SLC3A1: variants seen among roughly 807,000 people sequenced by gnomAD.
SLC3A1 encodes solute carrier family 3 member 1, also known as amino acid transporter heavy chain SLC3A1.
Under a neutral mutation model 60.3 loss-of-function variants are expected in SLC3A1, and 78 were observed. That is an observed-to-expected ratio of 1.29 (90% CI 1.08 to 1.56). SLC3A1 has a LOEUF of 1.56. SLC3A1 is among the 40% of genes most tolerant of loss of function. The probability of loss-of-function intolerance (pLI) is 0.00; values close to 1 mark genes in which losing one functional copy is unlikely to be tolerated. For synonymous variants in SLC3A1, 392 were observed against 307.9 expected (o/e 1.27, Z -2.86); for missense variants, 1,172 against 858.9 (o/e 1.36, Z -4.56).
In SLC3A1 at chr2:44,275,744, A is replaced by G; in HGVS notation, c.209A>G (p.Lys70Arg). Reference protein sequence around the residue: ...KGVQPYAGMPKEVLFQFSGQA... With the variant: ...KGVQPYAGMPREVLFQFSGQA... ...GTCCAGCCCTATGCGGGGATGCCCA[A>G]GGAGGTGCTGTTCCAGTTCTCTGGC... The change falls in exon 1 of 10, where the codon AAG becomes AGG. Residue 70 changes from lysine (K) to arginine (R), a missense_variant. Transcript: ENST00000260649. 1.9e-6 allele frequency: 3 copies of G among 1,614,228 alleles called. No individual in the cohort carries two copies. The highest frequency in any genetic ancestry group is 1.3e-5 in the African/African-American group (1 of 75,080).
At chr2:44,281,253 G>A in intron 2 of SLC3A1, 134 bp from the exon 3 acceptor site, 3 of 767,154 alleles carry the variant, frequency 3.9e-6, no homozygotes, top group Non-Finnish European at 4.5e-6. Flanking sequence ...CCACCTCCTG[G>A]GCTCAAGCAA....
chr2:44,291,497 G>A (rs1373221257), intron 4 of SLC3A1, among the ~76,000 whole-genome samples: 1 of 152,092 alleles, frequency 6.6e-6, no homozygotes, highest in Non-Finnish European at 1.5e-5. Flanking sequence ...TAATGCCTCC[G>A]GTTGAGAGAT....
chr2:44,300,778 T>A (rs1284715196), intron 5 of SLC3A1, among the ~76,000 whole-genome samples: 1 of 152,206 alleles, frequency 6.6e-6, no homozygotes, highest in Non-Finnish European at 1.5e-5. Flanking sequence ...AAAATTTATT[T>A]GCTAAAATGG....
intron 4 of SLC3A1, among the ~76,000 whole-genome samples, chr2:44,295,919 C>T (rs536659991): frequency 1.1e-4 from 17 of 152,104 alleles, no homozygotes; most frequent in Non-Finnish European, 1.9e-4. Context: ...CCAGGTTGCG[C>T]GGGGTCTGAA....
intron 2 of SLC3A1, 41 bp from the exon 3 acceptor site, chr2:44,281,346 A>C: frequency 6.4e-7 from 1 of 1,557,116 alleles, no homozygotes; most frequent in South Asian, 1.1e-5. Context: ...TTATTCTAAT[A>C]CAATCTTTCC....
chr2:44,287,302 T>C lies in SLC3A1; in HGVS notation c.891+1145T>C, dbSNP rs556823704. 2.0e-5 allele frequency among the ~76,000 whole-genome samples: 3 copies of C among 152,236 alleles called. No individual in the cohort carries two copies. In the South Asian group the frequency reaches 6.2e-4, roughly 32 times the overall value. On this transcript the variant is annotated intron_variant, in intron 4 of 9. Coordinates refer to ENST00000260649, the MANE Select transcript of SLC3A1 (RefSeq NM_000341.4). ...GAGACACCTTCTTATGATGAGATGCTGTTTGGACAAAAACCTGAAGTGAGA... is the reference window on the plus strand; with the variant it reads ...GAGACACCTTCTTATGATGAGATGCCGTTTGGACAAAAACCTGAAGTGAGA...
chr2:44,313,510 G>T (rs935706430), intron 8 of SLC3A1, among the ~76,000 whole-genome samples: 3 of 152,190 alleles, frequency 2.0e-5, no homozygotes, highest in African/African-American at 7.2e-5. Context: ...CTGTACCATA[G>T]TAGAAGTCGT....
intron 5 of SLC3A1, among the ~76,000 whole-genome samples, chr2:44,300,688 C>G (rs1403825417): frequency 2.6e-5 from 4 of 151,264 alleles, no homozygotes; most frequent in Non-Finnish European, 5.9e-5. Context: ...CCACTAAGAT[C>G]TTTTTTTTTG....
chr2:44,299,418 G>A (rs1422633259), intron 4 of SLC3A1, among the ~76,000 whole-genome samples: 1 of 152,144 alleles, frequency 6.6e-6, no homozygotes, highest in Non-Finnish European at 1.5e-5. Flanking sequence ...ACTATTCTTA[G>A]TTATTTACTT....
rs1183378318 is a variant in SLC3A1 at position 44,321,490 on chromosome 2, TA to T, written c.*855del. 2 of 1,590,160 alleles carry T rather than the reference TA, an allele frequency of 1.3e-6. No homozygotes were observed. The highest frequency in any genetic ancestry group is 2.7e-5 in the African/African-American group (2 of 74,236). Reference sequence around the variant, plus strand: ...AAAATTAAATAGAAGGCCTTTGTAGTAAAATGCCACTGTTTAAGCTTCTCTT... The same window carrying T: ...AAAATTAAATAGAAGGCCTTTGTAGTAAATGCCACTGTTTAAGCTTCTCTT... On this transcript the variant is annotated 3_prime_UTR_variant, in exon 10 of 10. Transcript: ENST00000260649.
In SLC3A1 at chr2:44,312,599, A is replaced by T. The variant is rs926076422; in HGVS notation, c.1346A>T (p.Asp449Val). Reference protein sequence around the residue: ...KWPNWMIGGPDSSRLTSRLGN... With the variant: ...KWPNWMIGGPVSSRLTSRLGN... ...TCTGCCTTTCAGATTGGTGGACCAG[A>T]CAGTTCACGGCTGACTTCGCGTTTG... Residue 449 changes from aspartate to valine, a missense_variant, in exon 8 of 10, where the codon GAC (aspartate) becomes GTC (valine). Physicochemically the swap from Asp to Val is radical, Grantham distance 152 (BLOSUM62 -3). Coordinates refer to ENST00000260649, the MANE Select transcript of SLC3A1 (RefSeq NM_000341.4). 6.2e-7 allele frequency: 1 copy of T among 1,613,944 alleles called. No homozygotes were observed. Among genetic ancestry groups the T allele is most frequent in the Non-Finnish European group, 8.5e-7 (1 of 1,179,838 alleles).
chr2:44,312,539 A>G, intron 7 of SLC3A1, 47 bp from the exon 8 acceptor site: 1 of 1,598,292 alleles, frequency 6.3e-7, no homozygotes, highest in Non-Finnish European at 8.6e-7. Flanking sequence ...TAAATCTTTC[A>G]GAAAACTGTG....
Position 44,321,226 on chromosome 2 carries a change from G to T in SLC3A1, c.*587G>T. 1 of 805,856 alleles carries T rather than the reference G, an allele frequency of 1.2e-6. No individual in the cohort carries two copies. Among genetic ancestry groups the T allele is most frequent in the Non-Finnish European group, 2.0e-6 (1 of 511,758 alleles). 49.9% of individuals were successfully genotyped at this position (805,856 alleles called of 1,614,324 possible). A position where few individuals can be genotyped will look rare whatever the true frequency, so the allele number is the denominator to read the frequency against. ...GATGTAGACTAAGCAAAATTTAGAT[G>T]GAGAAGCACATTTTAAAAAATTAAT... On this transcript the variant is annotated 3_prime_UTR_variant, in exon 10 of 10. Coordinates refer to ENST00000260649, the MANE Select transcript of SLC3A1 (RefSeq NM_000341.4).
In SLC3A1 at chr2:44,320,771, G is replaced by C. The variant is rs550953255; in HGVS notation, c.*132G>C. 1.3e-6 allele frequency: 1 copy of C among 747,700 alleles called. No homozygotes were observed. Among genetic ancestry groups the C allele is most frequent in the African/African-American group, 1.8e-5 (1 of 56,894 alleles). 46.3% of individuals were successfully genotyped at this position (747,700 alleles called of 1,614,324 possible). ...ATATTTCTGTAGCTTGAATGTAACT[G>C]CTTTAAGAAAGGTTCTCAAATGTTT... On this transcript the variant is annotated 3_prime_UTR_variant, in exon 10 of 10. Coordinates refer to ENST00000260649, the MANE Select transcript of SLC3A1 (RefSeq NM_000341.4).
intron 7 of SLC3A1, among the ~76,000 whole-genome samples, chr2:44,311,738 C>CAAT (rs1672304234): frequency 1.4e-5 from 2 of 144,484 alleles, no homozygotes; most frequent in Admixed American, 6.8e-5. Context: ...AAAAAAAAAC[C>CAAT]CAACCTCCTA....
intron 6 of SLC3A1, among the ~76,000 whole-genome samples, chr2:44,302,158 C>G (rs902147636): frequency 6.6e-6 from 1 of 152,150 alleles, no homozygotes; most frequent in African/African-American, 2.4e-5. Context: ...TATGTTTCAG[C>G]TAAAGTATCA....
chr2:44,294,066 G>A (rs1024200993), intron 4 of SLC3A1, among the ~76,000 whole-genome samples: 4 of 152,152 alleles, frequency 2.6e-5, no homozygotes, highest in African/African-American at 7.2e-5. Flanking sequence ...GCCCCAAGGA[G>A]CACTGACATC....
chr2:44,289,279 C>T (rs543797124), intron 4 of SLC3A1, among the ~76,000 whole-genome samples: 54 of 151,322 alleles, frequency 3.6e-4, no homozygotes, highest in Middle Eastern at 6.8e-3. Flanking sequence ...GGCGTGATCT[C>T]GGCTCACTGC....
intron 7 of SLC3A1, among the ~76,000 whole-genome samples, chr2:44,311,900 G>A (rs547018614): frequency 6.6e-6 from 1 of 152,222 alleles, no homozygotes; most frequent in East Asian, 1.9e-4. Context: ...ACTGTTGTGT[G>A]AAGGAGGGAA....
Sources: allele counts gnomAD v4.1 joint callset (sites outside exome capture counted in the v4.1 genomes callset), GRCh38; gene constraint gnomAD v4.1.1; transcripts MANE v1.5; gene names NCBI Gene and HGNC (gene_info 2026-07-23, HGNC 2026-07-21).